Variants in ZNF549 observed in about 807,000 individuals in gnomAD.
The protein encoded by ZNF549 is zinc finger protein 549.
A neutral mutation model predicts 11.1 loss-of-function variants in ZNF549; 11 were observed. That is an observed-to-expected ratio of 0.99 (90% CI 0.62 to 1.64). The LOEUF (loss-of-function observed/expected upper bound fraction) is 1.64, where lower values mean the gene tolerates loss of function less well. ZNF549 is among the 40% of genes most tolerant of loss of function. ZNF549 has a pLI of 0.00. For missense variants in ZNF549, 748 were observed against 765.1 expected, an observed-to-expected ratio of 0.98 and a Z score of 0.26; for synonymous variants, 266 against 269.1, an observed-to-expected ratio of 0.99 and a Z score of 0.11.
chr19:57,538,395 A>G lies in ZNF549; in HGVS notation c.1391A>G (p.Gln464Arg), dbSNP rs763467364. ...CGCTCGTCTGACTACATGCGACACCAGAGAATTCACACTGGAGAAAGGGCT... is the reference window on the plus strand; with the variant it reads ...CGCTCGTCTGACTACATGCGACACCGGAGAATTCACACTGGAGAAAGGGCT... ...FIRSSDYMRHQRIHTGERAYE... is the reference protein window; with the variant it reads ...FIRSSDYMRHRRIHTGERAYE... The change falls in exon 4 of 4, where the codon CAG becomes CGG. Residue 464 changes from glutamine to arginine, a missense_variant. Coordinates refer to ENST00000376233, the MANE Select transcript of ZNF549 (RefSeq NM_001199295.2). 1.2e-6 allele frequency: 2 copies of G among 1,614,220 alleles called. No individual in the cohort carries two copies. Among genetic ancestry groups the G allele is most frequent in the South Asian group, 2.2e-5 (2 of 91,086 alleles).
At chr19:57,529,158 C>T (rs1568588318) in intron 1 of ZNF549, among the ~76,000 whole-genome samples, 5 of 152,178 alleles carry the variant, frequency 3.3e-5, no homozygotes, top group Admixed American at 2.6e-4. Context: ...AGTATAGTAA[C>T]TTGCTGTACA....
Position 57,535,220 on chromosome 19 carries a change from G to T in ZNF549, c.149G>T (p.Cys50Phe). ...EWGLLDEAQRCLYHDVMLENF... is the reference protein window; with the variant it reads ...EWGLLDEAQRFLYHDVMLENF... ...GGCCTCCTTGATGAAGCTCAAAGGT[G>T]CCTGTATCATGATGTGATGCTGGAG... is the stretch of plus-strand genomic sequence containing the variant. Residue 50 changes from cysteine to phenylalanine, a missense_variant, in exon 3 of 4, where the codon TGC becomes TTC. Coordinates refer to ENST00000376233, the MANE Select transcript of ZNF549 (RefSeq NM_001199295.2). 5 of 1,614,078 alleles carry T rather than the reference G, an allele frequency of 3.1e-6. No individual in the cohort carries two copies. Among genetic ancestry groups the T allele is most frequent in the South Asian group, 1.1e-5 (1 of 91,072 alleles).
chr19:57,529,873 G>A (rs1327471575), intron 1 of ZNF549, among the ~76,000 whole-genome samples: 1 of 151,988 alleles, frequency 6.6e-6, no homozygotes, highest in East Asian at 1.9e-4. Flanking sequence ...GCGACAGAGC[G>A]AGGCTCCGTC....
intron 1 of ZNF549, 76 bp from the exon 2 acceptor site, chr19:57,530,994 C>A: frequency 7.1e-7 from 1 of 1,412,370 alleles, no homozygotes; most frequent in Non-Finnish European, 9.9e-7. Context: ...TAGTGTCACA[C>A]AGTTGGCAAG....
In ZNF549 at chr19:57,539,444, G is replaced by A. The variant is rs2089945443; in HGVS notation, c.*517G>A. On this transcript the variant is annotated 3_prime_UTR_variant, in exon 4 of 4. Transcript: ENST00000376233. ...TGTCTTACCATGTGCTGATGTATGTGCTCTGCCAGTGTGAAGGGTGAACAG... is the reference window on the plus strand; with the variant it reads ...TGTCTTACCATGTGCTGATGTATGTACTCTGCCAGTGTGAAGGGTGAACAG... The A allele has an allele frequency of 6.5e-6, 1 of 153,616 alleles. No individual in the cohort carries two copies. The highest frequency in any genetic ancestry group is 2.4e-5 in the African/African-American group (1 of 41,330). The allele number at this position is 153,616 out of a possible 1,614,324, so 9.5% of individuals were successfully genotyped here. A position where few individuals can be genotyped will look rare whatever the true frequency, so the allele number is the denominator to read the frequency against.
At position 57,539,074 on chromosome 19, in the gene ZNF549, C is replaced by T. The variant is rs1317959883; in HGVS notation, c.*147C>T. The T allele has an allele frequency of 2.2e-6, 2 of 891,288 alleles. No individual in the cohort carries two copies. Among genetic ancestry groups the T allele is most frequent in the African/African-American group, 1.7e-5 (1 of 59,148 alleles). The allele number at this position is 891,288 out of a possible 1,614,324, so 55.2% of individuals were successfully genotyped here. A position where few individuals can be genotyped will look rare whatever the true frequency, so the allele number is the denominator to read the frequency against. On this transcript the variant is annotated 3_prime_UTR_variant, in exon 4 of 4. Transcript: ENST00000376233. ...CTACAAGGTCCAAGTACTTGGGAAG[C>T]TTTCTAGAGATTACTTGTACTTTCT...
At position 57,537,189 on chromosome 19, in the gene ZNF549, T is replaced by C. The variant is rs769129480; in HGVS notation, c.200-15T>C. On this transcript the variant is annotated splice_polypyrimidine_tract_variant and intron_variant, in intron 3 of 3. Coordinates refer to ENST00000376233, the MANE Select transcript of ZNF549 (RefSeq NM_001199295.2). ...AAAGTCTGCATATACTTCACTTGCA[T>C]TTTTATGCTTTTAGGTTGTTTGCAT... The C allele has an allele frequency of 6.2e-7, 1 of 1,600,248 alleles. No homozygotes were observed.
chr19:57,538,400 A>G lies in ZNF549; in HGVS notation c.1396A>G (p.Ile466Val), dbSNP rs149660020. ...GTCTGACTACATGCGACACCAGAGAATTCACACTGGAGAAAGGGCTTATGA... is the reference window on the plus strand; with the variant it reads ...GTCTGACTACATGCGACACCAGAGAGTTCACACTGGAGAAAGGGCTTATGA... ...RSSDYMRHQRIHTGERAYECS... is the reference protein window; with the variant it reads ...RSSDYMRHQRVHTGERAYECS... The change falls in exon 4 of 4, where the codon ATT becomes GTT. Residue 466 changes from isoleucine to valine, a missense_variant. By Grantham distance (29) the Ile-to-Val change is conservative. Coordinates refer to ENST00000376233, the MANE Select transcript of ZNF549 (RefSeq NM_001199295.2). The G allele has an allele frequency of 6.2e-7, 1 of 1,613,586 alleles. No homozygotes were observed. The highest frequency in any genetic ancestry group is 1.3e-5 in the African/African-American group (1 of 74,770).
rs1367947503 is a variant in ZNF549 at position 57,537,244 on chromosome 19, G to A, written c.240G>A (p.Glu80=). ...HGIEAEEAPS[E]QTLSAQGVSQ... Reference sequence around the variant, plus strand: ...TAGAGGCTGAGGAGGCCCCTTCTGAGCAGACTCTTTCTGCGCAAGGAGTGT... The same window carrying A: ...TAGAGGCTGAGGAGGCCCCTTCTGAACAGACTCTTTCTGCGCAAGGAGTGT... The change falls in exon 4 of 4, where the codon GAG becomes GAA. Residue 80 remains glutamate, a synonymous_variant. Transcript: ENST00000376233. 1.9e-6 allele frequency: 3 copies of A among 1,614,042 alleles called. No individual in the cohort carries two copies. In the African/African-American group the frequency reaches 4.0e-5, roughly 22 times the overall value.
rs776989294 is a variant in ZNF549, at chr19:57,535,109, G to A, written c.73-35G>A. The A allele has an allele frequency of 3.1e-6, 5 of 1,607,628 alleles. No individual in the cohort carries two copies. The East Asian group carries it at 6.7e-5, about 22-fold the overall frequency. ...ATTTACTGGGGTTCCTGGGGATTGAGTCTGCTCATGATTTCATCTGCCCCC... is the reference window on the plus strand; with the variant it reads ...ATTTACTGGGGTTCCTGGGGATTGAATCTGCTCATGATTTCATCTGCCCCC... On this transcript the variant is annotated intron_variant, in intron 2 of 3. Transcript: ENST00000376233.
chr19:57,528,592 G>A (rs899777498), intron 1 of ZNF549, among the ~76,000 whole-genome samples: 22 of 152,312 alleles, frequency 1.4e-4, no homozygotes, highest in African/African-American at 4.8e-4. Flanking sequence ...ATGGGGTTCC[G>A]GGGGTACTTC....
Position 57,539,047 on chromosome 19 carries a change from C to A in ZNF549, c.*120C>A. On this transcript the variant is annotated 3_prime_UTR_variant, in exon 4 of 4. Coordinates refer to ENST00000376233, the MANE Select transcript of ZNF549 (RefSeq NM_001199295.2). ...TCTGCATATCACTAGTTGAAAGATT[C>A]ACTACAAGGTCCAAGTACTTGGGAA... 2 of 1,175,260 alleles carry A rather than the reference C, an allele frequency of 1.7e-6. No individual in the cohort carries two copies. The highest frequency in any genetic ancestry group is 2.4e-6 in the Non-Finnish European group (2 of 845,112). The allele number at this position is 1,175,260 out of a possible 1,614,324, so 72.8% of individuals were successfully genotyped here. A position where few individuals can be genotyped will look rare whatever the true frequency, so the allele number is the denominator to read the frequency against.
At chr19:57,530,882 G>A (rs993009966) in intron 1 of ZNF549, among the ~76,000 whole-genome samples, 188 bp from the exon 2 acceptor site, 1 of 151,616 alleles carries the variant, frequency 6.6e-6, no homozygotes, top group Non-Finnish European at 1.5e-5. Context: ...CATTGGACAC[G>A]TATGAATGAG....
Position 57,537,875 on chromosome 19 carries a change from G to C in ZNF549, c.871G>C (p.Val291Leu), listed in dbSNP as rs61735033. The change falls in exon 4 of 4, where the codon GTT becomes CTT. Residue 291 changes from valine (V) to leucine (L), a missense_variant. Transcript: ENST00000376233. ...ATCATTCCTCCATAAACAAACACTC[G>C]TTGGGCACCAGCAGAGAATTCACAC... ...GKSFLHKQTL[V>L]GHQQRIHTRE... 6.2e-7 allele frequency: 1 copy of C among 1,613,770 alleles called. No individual in the cohort carries two copies. The highest frequency in any genetic ancestry group is 2.2e-5 in the East Asian group (1 of 44,866).
chr19:57,534,767 G>C (rs2089917277), intron 2 of ZNF549, among the ~76,000 whole-genome samples: 1 of 152,226 alleles, frequency 6.6e-6, no homozygotes, highest in Non-Finnish European at 1.5e-5. Context: ...CTTGAGCAGA[G>C]TGGCATGTGG....
intron 1 of ZNF549, among the ~76,000 whole-genome samples, chr19:57,530,598 C>T (rs926085540): frequency 7.2e-5 from 11 of 152,054 alleles, no homozygotes; most frequent in South Asian, 2.1e-4. Flanking sequence ...CAGTTTTGTA[C>T]GACTGAGCCC....
Position 57,540,364 on chromosome 19 carries a change from A to G in ZNF549, c.*1437A>G, listed in dbSNP as rs1447408892. On this transcript the variant is annotated 3_prime_UTR_variant, in exon 4 of 4. Coordinates refer to ENST00000376233, the MANE Select transcript of ZNF549 (RefSeq NM_001199295.2). ...TAAAACATTGAGGTGCAGTTTTCATACACAAAACCTTCTATCTTTTTAAGA... is the reference window on the plus strand; with the variant it reads ...TAAAACATTGAGGTGCAGTTTTCATGCACAAAACCTTCTATCTTTTTAAGA... 6.6e-6 allele frequency: 1 copy of G among 152,274 alleles called. No individual in the cohort carries two copies. The highest frequency in any genetic ancestry group is 1.9e-4 in the East Asian group (1 of 5,202). The allele number at this position is 152,274 out of a possible 1,614,324, so 9.4% of individuals were successfully genotyped here.
intron 2 of ZNF549, among the ~76,000 whole-genome samples, chr19:57,532,761 T>G (rs999428971): frequency 6.6e-5 from 10 of 152,208 alleles, no homozygotes; most frequent in Non-Finnish European, 1.2e-4. Context: ...ATTGATGGTG[T>G]TGTTGAATTC....
intron 1 of ZNF549, among the ~76,000 whole-genome samples, chr19:57,530,815 T>G (rs994179526): frequency 1.3e-5 from 2 of 150,974 alleles, no homozygotes; most frequent in African/African-American, 4.9e-5. Flanking sequence ...AACACCAGAG[T>G]TTTAAAAAAT....
Sources: allele counts gnomAD v4.1 joint callset (sites outside exome capture counted in the v4.1 genomes callset), GRCh38; gene constraint gnomAD v4.1.1; transcripts MANE v1.5; gene names NCBI Gene and HGNC (gene_info 2026-07-23, HGNC 2026-07-21).